The following PTPRN2 variants were observed in gnomAD, a reference collection of about 807,000 sequenced individuals.
The protein encoded by PTPRN2 is receptor-type tyrosine-protein phosphatase N2.
A neutral mutation model predicts 118.8 loss-of-function variants in PTPRN2; 74 were observed. The observed-to-expected ratio is 0.62, with a 90% confidence interval of 0.52 to 0.76. The LOEUF (loss-of-function observed/expected upper bound fraction) is 0.76, where lower values mean the gene tolerates loss of function less well. Among genes scored for constraint, PTPRN2 ranks in the 30% least tolerant of loss-of-function variants. PTPRN2 has a pLI of 0.00. For missense variants in PTPRN2, 1,481 were observed against 1,394.4 expected (o/e 1.06, Z -0.99); for synonymous variants, 641 against 608.0 (o/e 1.05, Z -0.80).
intron 1 of PTPRN2, among the ~76,000 whole-genome samples, chr7:158,499,777 ATG>A (rs1411659917): frequency 6.7e-6 from 1 of 149,666 alleles, no homozygotes; most frequent in African/African-American, 2.5e-5. Context: ...TCTCAAATAT[ATG>A]TGTGTATGTG....
At chr7:158,155,497 C>CACCATCAGCACT (rs1821638741) in intron 6 of PTPRN2, among the ~76,000 whole-genome samples, 1 of 151,836 alleles carries the variant, frequency 6.6e-6, no homozygotes, top group Non-Finnish European at 1.5e-5. Context: ...TCACCATCAC[C>CACCATCAGCACT]ATCATCACCA....
At chr7:158,510,353 T>C (rs1037350812) in intron 1 of PTPRN2, among the ~76,000 whole-genome samples, 1 of 152,142 alleles carries the variant, frequency 6.6e-6, no homozygotes, top group Non-Finnish European at 1.5e-5. Flanking sequence ...CAGGTGCTCA[T>C]AGACAGCTGC....
intron 12 of PTPRN2, among the ~76,000 whole-genome samples, chr7:157,814,788 T>G (rs1476254773): frequency 6.6e-6 from 1 of 152,188 alleles, no homozygotes; most frequent in Non-Finnish European, 1.5e-5. Flanking sequence ...AAACTGAGCT[T>G]CTTTTCATCT....
At position 158,397,463 on chromosome 7, in the gene PTPRN2, C is replaced by T. The variant is rs529906538; in HGVS notation, c.164-80531G>A. Reference sequence around the variant, plus strand: ...GCTGACATGAAGCAGGTCCTCAGATCGAGACCAGCTCTGGAGGCCCAAACA... The same window carrying T: ...GCTGACATGAAGCAGGTCCTCAGATTGAGACCAGCTCTGGAGGCCCAAACA... On this transcript the variant is annotated intron_variant, in intron 2 of 22. Transcript: ENST00000389418. 2.6e-5 allele frequency among the ~76,000 whole-genome samples: 4 copies of T among 152,326 alleles called. No individual in the cohort carries two copies. The South Asian group carries it at 8.3e-4, about 32-fold the overall frequency.
intron 11 of PTPRN2, among the ~76,000 whole-genome samples, chr7:157,968,950 C>T (rs1802128712): frequency 6.6e-6 from 1 of 152,098 alleles, no homozygotes; most frequent in Non-Finnish European, 1.5e-5. Flanking sequence ...GTGGAAGGTG[C>T]CGAAGAAACA....
At chr7:158,325,198 G>A (rs1803394541) in intron 2 of PTPRN2, among the ~76,000 whole-genome samples, 1 of 152,160 alleles carries the variant, frequency 6.6e-6, no homozygotes, top group South Asian at 2.1e-4. Flanking sequence ...AGATCCACAG[G>A]GGGTCCCCCA....
chr7:157,765,136 C>T (rs1802373649), intron 12 of PTPRN2, among the ~76,000 whole-genome samples: 1 of 151,336 alleles, frequency 6.6e-6, no homozygotes, highest in Non-Finnish European at 1.5e-5. Context: ...ACTCCCCATC[C>T]ATCCTTCATC....
At chr7:158,097,652 G>A (rs769321059) in intron 10 of PTPRN2, among the ~76,000 whole-genome samples, 11 of 152,210 alleles carry the variant, frequency 7.2e-5, no homozygotes, top group Admixed American at 5.9e-4. Flanking sequence ...TTCCGCGGAA[G>A]GCGGCCTGGC....
intron 12 of PTPRN2, among the ~76,000 whole-genome samples, chr7:157,791,908 A>C (rs73165853): frequency 0.11 from 16,371 of 152,278 alleles, 950 homozygotes; most frequent in Middle Eastern, 0.14. Context: ...GCGGATCCCC[A>C]AAATCCTGAA....
intron 2 of PTPRN2, among the ~76,000 whole-genome samples, chr7:158,340,742 C>T (rs1327709668): frequency 5.9e-5 from 5 of 84,734 alleles, no homozygotes; most frequent in Non-Finnish European, 1.2e-4. Context: ...AGAGGTGACA[C>T]ATGCAGACGT....
Position 157,861,761 on chromosome 7 carries a change from A to G in PTPRN2, c.1788+36912T>C, listed in dbSNP as rs949606756. ...CCAGCAGCCCTCGGCCCACAGACACAGCGCTTCCCTCCTGCCTCCGAGCCA... is the reference window on the plus strand; with the variant it reads ...CCAGCAGCCCTCGGCCCACAGACACGGCGCTTCCCTCCTGCCTCCGAGCCA... On this transcript the variant is annotated intron_variant, in intron 12 of 22. Coordinates refer to ENST00000389418, the MANE Select transcript of PTPRN2 (RefSeq NM_002847.5). The surrounding 1 kb of genome is among the most constrained non-coding windows in gnomAD (Gnocchi z 5.8). 2.0e-5 allele frequency among the ~76,000 whole-genome samples: 3 copies of G among 152,172 alleles called. No homozygotes were observed. Among genetic ancestry groups the G allele is most frequent in the African/African-American group, 7.2e-5 (3 of 41,440 alleles).
chr7:157,774,055 G>A (rs909410389), intron 12 of PTPRN2, among the ~76,000 whole-genome samples: 2 of 152,214 alleles, frequency 1.3e-5, no homozygotes, highest in Non-Finnish European at 2.9e-5. Flanking sequence ...ATAAGTTGGA[G>A]CCTAGAATGA....
chr7:158,013,779 CCATT>C, intron 11 of PTPRN2, among the ~76,000 whole-genome samples: 1 of 318 alleles, frequency 3.1e-3, no homozygotes, highest in African/African-American at 0.014. Flanking sequence ...ACCTATCCAT[CCATT>C]CACCCACCCA....
chr7:158,102,710 G>T (rs1218440764), intron 10 of PTPRN2, among the ~76,000 whole-genome samples: 1 of 152,108 alleles, frequency 6.6e-6, no homozygotes, highest in Non-Finnish European at 1.5e-5. Context: ...TGTTGTTCAA[G>T]GACTCATTGC....
chr7:158,368,199 C>T (rs1809678586), intron 2 of PTPRN2, among the ~76,000 whole-genome samples: 1 of 152,158 alleles, frequency 6.6e-6, no homozygotes, highest in African/African-American at 2.4e-5. Flanking sequence ...ATTCTAGAGC[C>T]TCCTGCACCG....
chr7:158,380,454 T>G (rs1359886273), intron 2 of PTPRN2, among the ~76,000 whole-genome samples: 1 of 152,216 alleles, frequency 6.6e-6, no homozygotes, highest in East Asian at 1.9e-4. Context: ...AGCTCCAAAA[T>G]GATCTCCTTT....
At chr7:158,485,862 G>C (rs980829442) in intron 2 of PTPRN2, among the ~76,000 whole-genome samples, 1 of 152,158 alleles carries the variant, frequency 6.6e-6, no homozygotes, top group Admixed American at 6.5e-5. Flanking sequence ...ATTTTCGCAC[G>C]GCTGTCATCG....
chr7:158,273,127 G>GC (rs11396117), intron 3 of PTPRN2, among the ~76,000 whole-genome samples: 42,512 of 151,944 alleles, frequency 0.28, 6,327 homozygotes, highest in African/African-American at 0.39. Context: ...AGAGGACTCA[G>GC]GCCCCAGCTG....
intron 11 of PTPRN2, among the ~76,000 whole-genome samples, chr7:158,019,829 C>T (rs1037300374): frequency 3.9e-5 from 6 of 152,224 alleles, no homozygotes; most frequent in Admixed American, 6.5e-5. Flanking sequence ...GGCCACAGCT[C>T]GGCCTTGGTG....
Sources: allele counts gnomAD v4.1 joint callset (sites outside exome capture counted in the v4.1 genomes callset), GRCh38; gene constraint gnomAD v4.1.1; non-coding constraint Gnocchi (gnomAD v3.1); transcripts MANE v1.5; gene names NCBI Gene and HGNC (gene_info 2026-07-23, HGNC 2026-07-21).